Variants in SDHAF4 observed in about 807,000 individuals in gnomAD.
SDHAF4 encodes the protein succinate dehydrogenase assembly factor 4, mitochondrial.
Under a neutral mutation model 14.3 loss-of-function variants are expected in SDHAF4, and 14 were observed. The observed-to-expected ratio is 0.98, with a 90% CI of 0.65 to 1.53. SDHAF4 has a LOEUF of 1.53. Ranked by LOEUF, SDHAF4 falls within the 40% of genes most tolerant of loss-of-function variation. The probability of loss-of-function intolerance (pLI) is 0.00; values close to 1 mark genes in which losing one functional copy is unlikely to be tolerated. For synonymous variants in SDHAF4, 63 were observed against 47.3 expected, an observed-to-expected ratio of 1.33 and a Z score of -1.36; for missense variants, 141 against 129.3, an observed-to-expected ratio of 1.09 and a Z score of -0.44.
intron 2 of SDHAF4, among the ~76,000 whole-genome samples, chr6:70,586,370 T>A (rs1487545274): frequency 1.3e-5 from 2 of 152,012 alleles, no homozygotes. Flanking sequence ...ATAGGGCACT[T>A]TGCACTTTCC....
chr6:70,580,701 T>C (rs995917275), intron 2 of SDHAF4, among the ~76,000 whole-genome samples: 2 of 152,334 alleles, frequency 1.3e-5, no homozygotes, highest in Admixed American at 6.5e-5. Context: ...GAAAACATTA[T>C]GTTTAGTGAA....
the SDHAF4 span, among the ~76,000 whole-genome samples, chr6:70,594,773 G>T: frequency 6.6e-6 from 1 of 152,204 alleles, no homozygotes; most frequent in Admixed American, 6.5e-5. Flanking sequence ...TTAGCCAGAT[G>T]TGGTGGTGCA....
At chr6:70,571,524 A>C (rs113915681) in intron 1 of SDHAF4, among the ~76,000 whole-genome samples, 1 of 152,184 alleles carries the variant, frequency 6.6e-6, no homozygotes. Context: ...CATATTGGCC[A>C]GGCTGATCTC....
chr6:70,584,716 G>A (rs952277851), intron 2 of SDHAF4, among the ~76,000 whole-genome samples: 2 of 152,198 alleles, frequency 1.3e-5, no homozygotes, highest in African/African-American at 4.8e-5. Flanking sequence ...AGAAAGAAGA[G>A]TGCTCAAAAG....
At chr6:70,596,502 CTT>C in the SDHAF4 span, 1 of 152,226 alleles carries the variant, frequency 6.6e-6, no homozygotes, top group Non-Finnish European at 1.5e-5. Flanking sequence ...CTCTTTCAGA[CTT>C]AATGCCATCT....
chr6:70,593,897 G>A (rs545108446), downstream of SDHAF4, among the ~76,000 whole-genome samples: 1 of 152,108 alleles, frequency 6.6e-6, no homozygotes. Context: ...GTTTCACCAT[G>A]TTGGCCAGGC....
chr6:70,579,328 C>A, intron 1 of SDHAF4, 86 bp from the exon 2 acceptor site: 1 of 1,130,462 alleles, frequency 8.8e-7, no homozygotes, highest in Non-Finnish European at 1.2e-6. Context: ...AATGTATAAA[C>A]TAAAAACAAA....
chr6:70,582,668 C>T (rs780814852), intron 2 of SDHAF4, among the ~76,000 whole-genome samples: 42 of 152,120 alleles, frequency 2.8e-4, no homozygotes, highest in Non-Finnish European at 5.6e-4. Context: ...TCACTCCTGC[C>T]TCTTCCTGTC....
chr6:70,573,034 G>A (rs1481797555), intron 1 of SDHAF4, among the ~76,000 whole-genome samples: 1 of 151,988 alleles, frequency 6.6e-6, no homozygotes, highest in Admixed American at 6.6e-5. Context: ...GAGAGCAGTA[G>A]TGCAGTCATA....
chr6:70,596,236 A>G, the SDHAF4 span, among the ~76,000 whole-genome samples: 3 of 152,204 alleles, frequency 2.0e-5, no homozygotes, highest in African/African-American at 7.2e-5. Context: ...CTGCTACCCC[A>G]TGGGATCTAC....
chr6:70,572,826 G>T (rs2128533938), intron 1 of SDHAF4, among the ~76,000 whole-genome samples: 2 of 152,220 alleles, frequency 1.3e-5, no homozygotes, highest in South Asian at 4.2e-4. Context: ...GTGTGCACAT[G>T]CATGCACAGG....
intron 1 of SDHAF4, among the ~76,000 whole-genome samples, chr6:70,568,018 G>T (rs1387870613): frequency 6.6e-6 from 1 of 152,232 alleles, no homozygotes; most frequent in Non-Finnish European, 1.5e-5. Flanking sequence ...GACACCTGGA[G>T]AAGTTATGTA....
In SDHAF4 at chr6:70,579,518, C is replaced by T. The variant is rs34711085; in HGVS notation, c.169C>T (p.Arg57Cys). 354 of 1,610,690 alleles carry T rather than the reference C, an allele frequency of 2.2e-4. 5 individuals are homozygous for T. In the South Asian group the frequency reaches 2.7e-3, roughly 13 times the overall value. ...SLKKPKLPEG[R>C]FDAPEDSHLE... ...TAAGAAGCCGAAGTTACCAGAAGGT[C>T]GTTTTGATGCACCAGAGGATTCCCA... is the stretch of plus-strand genomic sequence containing the variant. Residue 57 changes from arginine to cysteine, a missense_variant, in exon 2 of 3, where the codon CGT becomes TGT. By Grantham distance (180) the Arg-to-Cys change is radical. Coordinates refer to ENST00000370474, the MANE Select transcript of SDHAF4 (RefSeq NM_145267.3).
chr6:70,584,647 A>G (rs1347513753), intron 2 of SDHAF4, among the ~76,000 whole-genome samples: 1 of 152,238 alleles, frequency 6.6e-6, no homozygotes, highest in Non-Finnish European at 1.5e-5. Context: ...TTATAAGGGC[A>G]AAAATTAGGT....
intron 1 of SDHAF4, among the ~76,000 whole-genome samples, chr6:70,568,983 T>TTTTTTTTTTTTTTTTTTTG (rs398001917): frequency 8.0e-6 from 1 of 124,926 alleles, no homozygotes; most frequent in African/African-American, 3.0e-5. Context: ...TTTTTTTTTT[T>TTTTTTTTTTTTTTTTTTTG]GAGGCGGAGT....
intron 1 of SDHAF4, among the ~76,000 whole-genome samples, chr6:70,572,883 A>G (rs540099215): frequency 6.6e-6 from 1 of 152,252 alleles, no homozygotes; most frequent in Non-Finnish European, 1.5e-5. Context: ...ACCTATAAAG[A>G]TTTTGATTTT....
At chr6:70,575,621 T>C (rs1480660585) in intron 1 of SDHAF4, among the ~76,000 whole-genome samples, 1 of 152,218 alleles carries the variant, frequency 6.6e-6, no homozygotes, top group African/African-American at 2.4e-5. Flanking sequence ...TTTACCTTTT[T>C]AGGTGTTTTA....
chr6:70,584,049 G>T (rs150163323), intron 2 of SDHAF4, among the ~76,000 whole-genome samples: 1 of 152,034 alleles, frequency 6.6e-6, no homozygotes, highest in Non-Finnish European at 1.5e-5. Flanking sequence ...TGTTTGAGAC[G>T]GAGTCTTGCT....
downstream of SDHAF4, among the ~76,000 whole-genome samples, chr6:70,590,619 T>G (rs1765249710): frequency 6.6e-6 from 1 of 152,246 alleles, no homozygotes; most frequent in African/African-American, 2.4e-5. Flanking sequence ...CCCTAGGTTA[T>G]GCAGCCATTT....
Sources: gnomAD v4.1 joint callset for allele counts (sites outside exome capture counted in the v4.1 genomes callset) on GRCh38, gnomAD v4.1.1 for gene constraint, MANE v1.5 for transcripts, NCBI Gene and HGNC (gene_info 2026-07-23, HGNC 2026-07-21) for gene names.